Variants in PTBP3 observed in about 807,000 individuals in gnomAD.
The protein encoded by PTBP3 is polypyrimidine tract binding protein 3.
A neutral mutation model predicts 58.7 loss-of-function variants in PTBP3; 20 were observed. The ratio of observed to expected loss-of-function variants is 0.34; its 90% CI spans 0.24 to 0.50. PTBP3 has a LOEUF of 0.50. PTBP3 is among the 20% of genes least tolerant of loss of function. The pLI, the probability that PTBP3 is intolerant of heterozygous loss-of-function variation, is 0.98. For synonymous variants in PTBP3, 185 were observed against 219.8 expected, an observed-to-expected ratio of 0.84 and a Z score of 1.40; for missense variants, 509 against 637.2, an observed-to-expected ratio of 0.80 and a Z score of 2.17.
intron 7 of PTBP3, among the ~76,000 whole-genome samples, chr9:112,240,615 T>A (rs987995337): frequency 1.7e-4 from 25 of 150,540 alleles, no homozygotes; most frequent in Admixed American, 4.0e-4. Context: ...TATACTATAC[T>A]TTTTATTGTT....
At chr9:112,355,519 T>A in the PTBP3 span, among the ~76,000 whole-genome samples, 1 of 152,162 alleles carries the variant, frequency 6.6e-6, no homozygotes, top group Non-Finnish European at 1.5e-5. Context: ...GATATGACAC[T>A]CCATTTCATG....
intron 8 of PTBP3, among the ~76,000 whole-genome samples, chr9:112,233,337 T>C (rs1055541905): frequency 2.0e-5 from 3 of 150,682 alleles, no homozygotes; most frequent in African/African-American, 7.3e-5. Context: ...AGCTTAAAAG[T>C]CTTATCAAGT....
chr9:112,320,314 A>ATATATATATATAT lies in PTBP3; in HGVS notation c.-52+13155_-52+13156insATATATATATATA. Among the ~76,000 whole-genome samples, 44 of 75,682 alleles carry ATATATATATATAT rather than the reference A, an allele frequency of 5.8e-4. 1 individual carries two copies. Among genetic ancestry groups the ATATATATATATAT allele is most frequent in the East Asian group, 5.0e-3 (16 of 3,220 alleles). 49.7% of individuals were successfully genotyped at this position (75,682 alleles called of 152,430 possible). A position where few individuals can be genotyped will look rare whatever the true frequency, so the allele number is the denominator to read the frequency against. The stretch of plus-strand genomic sequence containing the variant: ...AAAATATATATATATATATATATAT[A>ATATATATATATAT]TTTTTTTTTAAGTGTTATCACCAGA... On this transcript the variant is annotated intron_variant, in intron 1 of 13. Transcript: ENST00000374257.
At chr9:112,267,782 TGA>T (rs1827159025) in intron 4 of PTBP3, among the ~76,000 whole-genome samples, 1 of 152,236 alleles carries the variant, frequency 6.6e-6, no homozygotes, top group South Asian at 2.1e-4. Flanking sequence ...CTTTCAGATC[TGA>T]GATTTTAAGA....
At chr9:112,377,758 T>TA in the PTBP3 span, among the ~76,000 whole-genome samples, 1 of 152,206 alleles carries the variant, frequency 6.6e-6, no homozygotes, top group African/African-American at 2.4e-5. Context: ...TCAAGACATC[T>TA]ATTTTTCAAA....
the PTBP3 span, among the ~76,000 whole-genome samples, chr9:112,370,239 G>A: frequency 6.6e-6 from 1 of 152,128 alleles, no homozygotes. Context: ...CTTATAGTAA[G>A]TTTTAAAATA....
At chr9:112,345,382 T>A in the PTBP3 span, among the ~76,000 whole-genome samples, 25 of 47,532 alleles carry the variant, frequency 5.3e-4, no homozygotes, top group Middle Eastern at 8.5e-3. Context: ...GAAAAAAAAT[T>A]TTTTTTTTTT....
At chr9:112,265,303 G>A (rs971826010) in intron 4 of PTBP3, among the ~76,000 whole-genome samples, 11 of 151,958 alleles carry the variant, frequency 7.2e-5, no homozygotes, top group Admixed American at 4.6e-4. Context: ...AGGAGTTCCA[G>A]ACCAGCCTGG....
intron 1 of PTBP3, chr9:112,330,396 A>G: frequency 7.3e-7 from 1 of 1,378,318 alleles, no homozygotes; most frequent in Non-Finnish European, 1.0e-6. Context: ...AAAATATGCC[A>G]AAAGATATAA....
chr9:112,366,701 G>C, the PTBP3 span, among the ~76,000 whole-genome samples: 2 of 152,182 alleles, frequency 1.3e-5, no homozygotes, highest in African/African-American at 4.8e-5. Flanking sequence ...CGCTGCTAGG[G>C]TAGTGCAGAA....
chr9:112,273,434 T>C (rs904848234), intron 3 of PTBP3, among the ~76,000 whole-genome samples: 1 of 152,214 alleles, frequency 6.6e-6, no homozygotes, highest in African/African-American at 2.4e-5. Context: ...AGACAATTTG[T>C]AAACAATAAT....
At chr9:112,243,682 G>C (rs1474587352) in intron 7 of PTBP3, among the ~76,000 whole-genome samples, 2 of 152,232 alleles carry the variant, frequency 1.3e-5, no homozygotes, top group Non-Finnish European at 2.9e-5. Context: ...CAGGGTTTCT[G>C]AGTTATGAAA....
chr9:112,229,737 G>A (rs1835128746), intron 10 of PTBP3, among the ~76,000 whole-genome samples: 1 of 152,078 alleles, frequency 6.6e-6, no homozygotes, highest in South Asian at 2.1e-4. Flanking sequence ...TGCAAAATGT[G>A]GGTGTTTATT....
chr9:112,296,495 A>G (rs1405317507), intron 2 of PTBP3, among the ~76,000 whole-genome samples: 1 of 152,102 alleles, frequency 6.6e-6, no homozygotes, highest in Non-Finnish European at 1.5e-5. Context: ...GGTCCCAAAC[A>G]CCATATAAGC....
the PTBP3 span, among the ~76,000 whole-genome samples, chr9:112,379,058 G>A: frequency 6.6e-6 from 1 of 152,164 alleles, no homozygotes; most frequent in Non-Finnish European, 1.5e-5. Flanking sequence ...GCGTGGTGAT[G>A]CATGCCTGTA....
At chr9:112,350,570 AC>A in the PTBP3 span, among the ~76,000 whole-genome samples, 1 of 152,208 alleles carries the variant, frequency 6.6e-6, no homozygotes, top group African/African-American at 2.4e-5. Context: ...ATTAATTGTT[AC>A]AAAATTTCCG....
At chr9:112,269,997 T>G (rs936923730) in intron 3 of PTBP3, among the ~76,000 whole-genome samples, 1 of 150,682 alleles carries the variant, frequency 6.6e-6, no homozygotes, top group South Asian at 2.1e-4. Context: ...CAGGCTGGAG[T>G]GCAGTGGCGT....
At chr9:112,303,991 A>C (rs1829059823) in intron 1 of PTBP3, among the ~76,000 whole-genome samples, 1 of 151,924 alleles carries the variant, frequency 6.6e-6, no homozygotes, top group African/African-American at 2.4e-5. Flanking sequence ...ACACAGTGAA[A>C]CCCTGTCTCT....
At chr9:112,366,638 T>C in the PTBP3 span, among the ~76,000 whole-genome samples, 1 of 152,150 alleles carries the variant, frequency 6.6e-6, no homozygotes, top group African/African-American at 2.4e-5. Flanking sequence ...TGCGTAGAAA[T>C]GCTTGGATGC....
Sources: gnomAD v4.1 joint callset for allele counts (sites outside exome capture counted in the v4.1 genomes callset) on GRCh38, gnomAD v4.1.1 for gene constraint, MANE v1.5 for transcripts, NCBI Gene and HGNC (gene_info 2026-07-23, HGNC 2026-07-21) for gene names.